The following RTN1 variants were observed in gnomAD, a reference collection of about 807,000 sequenced individuals.
RTN1 encodes the protein reticulon 1, also known as reticulon-1.
A neutral mutation model predicts 65.5 loss-of-function variants in RTN1; 25 were observed. The ratio of observed to expected loss-of-function variants is 0.38; its 90% CI spans 0.28 to 0.53. The LOEUF (loss-of-function observed/expected upper bound fraction) is 0.53, where lower values mean the gene tolerates loss of function less well. Ranked by LOEUF, RTN1 falls within the 20% of genes least tolerant of loss-of-function variation. The probability of loss-of-function intolerance (pLI) is 0.79; values close to 1 mark genes in which losing one functional copy is unlikely to be tolerated. For synonymous variants in RTN1, 471 were observed against 447.6 expected (o/e 1.05, Z -0.66); for missense variants, 983 against 1,025.4 (o/e 0.96, Z 0.57).
rs58720246 is a variant in RTN1, at chr14:59,839,374, G to A, written c.241+31016C>T. On this transcript the variant is annotated intron_variant, in intron 1 of 8. Coordinates refer to ENST00000267484, the MANE Select transcript of RTN1 (RefSeq NM_021136.3). ...AGCTTCAGCTAATACAATACATAAT[G>A]ACTTTCATTTATTATTACTACTGTA... 3.4e-3 allele frequency among the ~76,000 whole-genome samples: 523 copies of A among 152,192 alleles called. 22 individuals carry two copies. In the East Asian group the frequency reaches 0.089, roughly 26 times the overall value.
chr14:59,615,909 T>A (rs1267754481), intron 3 of RTN1, among the ~76,000 whole-genome samples: 1 of 151,942 alleles, frequency 6.6e-6, no homozygotes, highest in East Asian at 1.9e-4. Context: ...TTTTTTAAAA[T>A]TTTTTTTGGA....
chr14:59,759,001 T>C (rs1237124682), intron 1 of RTN1, among the ~76,000 whole-genome samples: 1 of 152,224 alleles, frequency 6.6e-6, no homozygotes, highest in African/African-American at 2.4e-5. Context: ...TCAGGTGCCC[T>C]TGGATGCAGT....
intron 1 of RTN1, among the ~76,000 whole-genome samples, chr14:59,788,697 T>C (rs372212594): frequency 6.6e-6 from 1 of 152,228 alleles, no homozygotes; most frequent in African/African-American, 2.4e-5. Context: ...ATGTTTATTC[T>C]TTCAATTGAT....
rs1445455293 is a variant in RTN1, at chr14:59,805,140, T to C, written c.242-58659A>G. ...GGCTCAATGCTTTCCTTCATTCAGG[T>C]CTCTCTTCAAAAGCTCCTTCCACAA... On this transcript the variant is annotated intron_variant, in intron 1 of 8. Coordinates refer to ENST00000267484, the MANE Select transcript of RTN1 (RefSeq NM_021136.3). Among the ~76,000 whole-genome samples, 3 of 152,176 alleles carry C rather than the reference T, an allele frequency of 2.0e-5. No homozygotes were observed. The East Asian group carries it at 5.8e-4, about 29-fold the overall frequency.
At chr14:59,802,234 A>C (rs2139602209) in intron 1 of RTN1, among the ~76,000 whole-genome samples, 1 of 152,342 alleles carries the variant, frequency 6.6e-6, no homozygotes, top group East Asian at 1.9e-4. Context: ...CTTCAGAGGA[A>C]GGGGCTGGAA....
intron 3 of RTN1, among the ~76,000 whole-genome samples, chr14:59,725,192 A>C (rs1425597658): frequency 6.6e-6 from 1 of 152,228 alleles, no homozygotes; most frequent in Non-Finnish European, 1.5e-5. Flanking sequence ...GTGTCTGGTC[A>C]GTCAGTCCCA....
chr14:59,726,133 T>C (rs1884754619), intron 3 of RTN1, among the ~76,000 whole-genome samples: 1 of 152,202 alleles, frequency 6.6e-6, no homozygotes, highest in Admixed American at 6.5e-5. Flanking sequence ...ATAAGACAAC[T>C]GCAATCAGGT....
chr14:59,644,243 T>C (rs556408155), intron 3 of RTN1, among the ~76,000 whole-genome samples: 1 of 152,262 alleles, frequency 6.6e-6, no homozygotes, highest in Admixed American at 6.5e-5. Flanking sequence ...TTAGGATTCA[T>C]CAAGAAAACA....
chr14:59,806,661 A>G (rs1419545097), intron 1 of RTN1, among the ~76,000 whole-genome samples: 2 of 152,016 alleles, frequency 1.3e-5, no homozygotes, highest in Non-Finnish European at 2.9e-5. Context: ...GTTCCCCTCC[A>G]TGTGTCCATG....
Position 59,727,893 on chromosome 14 carries a change from T to G in RTN1, c.1016-225A>C, listed in dbSNP as rs944702685. Among the ~76,000 whole-genome samples, 1 of 152,212 alleles carries G rather than the reference T, an allele frequency of 6.6e-6. No homozygotes were observed. The highest frequency in any genetic ancestry group is 2.4e-5 in the African/African-American group (1 of 41,444). ...TTACTGTTATGGCCCAATTAATTAG[T>G]GTTTTACAGACCTCTCTATCTTCAG... On this transcript the variant is annotated intron_variant, in intron 2 of 8. Transcript: ENST00000267484. This position sits in a 1 kb window ranked among gnomAD's most constrained non-coding sequence, Gnocchi z 4.2.
intron 3 of RTN1, among the ~76,000 whole-genome samples, chr14:59,659,815 T>C (rs1244925378): frequency 6.6e-6 from 1 of 152,140 alleles, no homozygotes; most frequent in Non-Finnish European, 1.5e-5. Context: ...ATCGACACTA[T>C]GAAGAAACTG....
chr14:59,683,134 T>C (rs1037942451), intron 3 of RTN1, among the ~76,000 whole-genome samples: 1 of 152,168 alleles, frequency 6.6e-6, no homozygotes, highest in African/African-American at 2.4e-5. Flanking sequence ...CATGTTCTCT[T>C]TCTATTGGAA....
In RTN1 at chr14:59,739,192, C is replaced by T. The variant is rs1470514541; in HGVS notation, c.1015+6516G>A. On this transcript the variant is annotated intron_variant, in intron 2 of 8. Coordinates refer to ENST00000267484, the MANE Select transcript of RTN1 (RefSeq NM_021136.3). ...AAAAGTCAGTCTTTTATTAGGCAGG[C>T]ATTAGTGGATCCTGGAAGGGTTAGG... Among the ~76,000 whole-genome samples the T allele has an allele frequency of 2.0e-5, 3 of 152,038 alleles. No homozygotes were observed. The South Asian group carries it at 6.2e-4, about 32-fold the overall frequency.
intron 1 of RTN1, among the ~76,000 whole-genome samples, chr14:59,788,565 G>A (rs891255150): frequency 5.9e-5 from 9 of 152,092 alleles, no homozygotes; most frequent in African/African-American, 1.9e-4. Context: ...CGATTTTGAA[G>A]GGATTTTTTC....
intron 3 of RTN1, among the ~76,000 whole-genome samples, chr14:59,725,274 T>C (rs1360616853): frequency 6.6e-6 from 1 of 152,208 alleles, no homozygotes; most frequent in Non-Finnish European, 1.5e-5. Context: ...TATCTACTTT[T>C]GAGAATAAAC....
intron 3 of RTN1, among the ~76,000 whole-genome samples, chr14:59,722,225 T>G (rs1184342151): frequency 6.6e-6 from 1 of 152,090 alleles, no homozygotes; most frequent in Non-Finnish European, 1.5e-5. Flanking sequence ...AAAGAGCAAA[T>G]TTTGATAAAT....
chr14:59,796,660 C>G (rs756556258), intron 1 of RTN1, among the ~76,000 whole-genome samples: 10 of 152,184 alleles, frequency 6.6e-5, no homozygotes, highest in Non-Finnish European at 1.3e-4. Context: ...AATTATTCAT[C>G]TCCTCCTGGT....
At chr14:59,683,652 G>T (rs1883787483) in intron 3 of RTN1, among the ~76,000 whole-genome samples, 1 of 152,058 alleles carries the variant, frequency 6.6e-6, no homozygotes, top group Non-Finnish European at 1.5e-5. Flanking sequence ...TTCCTGAAAG[G>T]TTAGATCATA....
intron 2 of RTN1, among the ~76,000 whole-genome samples, chr14:59,735,800 C>A (rs1015223440): frequency 6.6e-6 from 1 of 152,120 alleles, no homozygotes; most frequent in Non-Finnish European, 1.5e-5. Flanking sequence ...GAGACTTTAA[C>A]ACTCCACTGA....
Sources: gnomAD v4.1 joint callset for allele counts (sites outside exome capture counted in the v4.1 genomes callset) on GRCh38, gnomAD v4.1.1 for gene constraint, Gnocchi (gnomAD v3.1) non-coding constraint, MANE v1.5 for transcripts, NCBI Gene and HGNC (gene_info 2026-07-23, HGNC 2026-07-21) for gene names.